ICA1: variants seen among roughly 807,000 people sequenced by gnomAD.
ICA1 encodes islet cell autoantigen 1.
ICA1 carries 40 observed loss-of-function variants against 71.0 expected under a neutral mutation model. The ratio of observed to expected loss-of-function variants is 0.56; its 90% CI spans 0.44 to 0.73. The LOEUF (loss-of-function observed/expected upper bound fraction) is 0.73. Ranked by LOEUF, ICA1 falls within the 30% of genes least tolerant of loss-of-function variation. The probability of loss-of-function intolerance (pLI) is 0.00; values close to 1 mark genes in which losing one functional copy is unlikely to be tolerated. For missense variants in ICA1, 578 were observed against 576.5 expected, an observed-to-expected ratio of 1.00 and a Z score of -0.03; for synonymous variants, 207 against 209.5, an observed-to-expected ratio of 0.99 and a Z score of 0.10.
intron 8 of ICA1, among the ~76,000 whole-genome samples, chr7:8,151,434 C>T (rs1023395911): frequency 2.6e-5 from 4 of 152,200 alleles, no homozygotes; most frequent in African/African-American, 9.7e-5. Flanking sequence ...GACCTGGATG[C>T]ATCCCAATTT....
chr7:8,188,199 C>T (rs1009711384), intron 6 of ICA1, among the ~76,000 whole-genome samples: 2 of 152,148 alleles, frequency 1.3e-5, no homozygotes, highest in Non-Finnish European at 2.9e-5. Context: ...TATCAAACTG[C>T]TTTCATAGAA....
At chr7:8,238,347 G>T (rs546697770) in intron 1 of ICA1, among the ~76,000 whole-genome samples, 2 of 152,160 alleles carry the variant, frequency 1.3e-5, no homozygotes, top group Non-Finnish European at 2.9e-5. Context: ...GCATTGTGAG[G>T]TGATATCTCA....
chr7:8,144,375 C>T lies in ICA1; in HGVS notation c.805-403G>A, dbSNP rs2128133657. The stretch of plus-strand genomic sequence containing the variant: ...CTGACAAAGTAGAAGTTCCTCCCAC[C>T]TCCACCAGAGATGAGACGATTTCAT... On this transcript the variant is annotated intron_variant, in intron 8 of 13. Transcript: ENST00000402384. This position sits in a 1 kb window ranked among gnomAD's most constrained non-coding sequence, Gnocchi z 4.5. Among the ~76,000 whole-genome samples, 1 of 152,330 alleles carries T rather than the reference C, an allele frequency of 6.6e-6. No individual in the cohort carries two copies. Among genetic ancestry groups the T allele is most frequent in the South Asian group, 2.1e-4 (1 of 4,826 alleles).
chr7:8,260,381 TG>T (rs1368611773), intron 1 of ICA1, among the ~76,000 whole-genome samples: 1 of 152,106 alleles, frequency 6.6e-6, no homozygotes, highest in Non-Finnish European at 1.5e-5. Context: ...GTGTTCCAAA[TG>T]GGGGAAAATA....
rs563570006 is a variant in ICA1, at chr7:8,188,405, G to A, written c.580-29753C>T. 7.9e-5 allele frequency among the ~76,000 whole-genome samples: 12 copies of A among 152,176 alleles called. No individual in the cohort carries two copies. In the East Asian group the frequency reaches 1.4e-3, roughly 17 times the overall value. On this transcript the variant is annotated intron_variant, in intron 6 of 13. Coordinates refer to ENST00000402384, the MANE Select transcript of ICA1 (RefSeq NM_001136020.3). ...TCCTCAAAACTGCTCTTCCATGGTC[G>A]CTTCCTTGCCCAGGAACCTTCATAC...
intron 6 of ICA1, among the ~76,000 whole-genome samples, chr7:8,183,326 G>A (rs1782810105): frequency 6.6e-6 from 1 of 152,152 alleles, no homozygotes; most frequent in Admixed American, 6.5e-5. Flanking sequence ...TCCCGTTAAA[G>A]GCTATTCTAA....
intron 6 of ICA1, among the ~76,000 whole-genome samples, chr7:8,217,887 G>A (rs1261440106): frequency 2.0e-5 from 3 of 152,090 alleles, no homozygotes; most frequent in Admixed American, 6.5e-5. Flanking sequence ...TGAACATATC[G>A]CAAAACAAAG....
intron 6 of ICA1, among the ~76,000 whole-genome samples, chr7:8,167,611 T>A (rs1806546457): frequency 6.6e-6 from 1 of 152,168 alleles, no homozygotes. Context: ...CCTGCACCTG[T>A]ACCCCTGAAC....
intron 13 of ICA1, among the ~76,000 whole-genome samples, chr7:8,121,878 C>T (rs564319122): frequency 2.4e-4 from 37 of 152,290 alleles, no homozygotes; most frequent in African/African-American, 7.7e-4. Flanking sequence ...CCCATAAATA[C>T]ATACGTCTAC....
At chr7:8,219,842 T>C (rs1796514661) in intron 5 of ICA1, among the ~76,000 whole-genome samples, 1 of 152,272 alleles carries the variant, frequency 6.6e-6, no homozygotes, top group Non-Finnish European at 1.5e-5. Flanking sequence ...TATTCATTTC[T>C]AGATTCTTTG....
intron 6 of ICA1, among the ~76,000 whole-genome samples, chr7:8,176,418 T>C (rs1335726957): frequency 6.6e-6 from 1 of 152,192 alleles, no homozygotes; most frequent in East Asian, 1.9e-4. Flanking sequence ...CTTCCTCCTC[T>C]CTGCAGTCAG....
chr7:8,236,116 C>T lies in ICA1; in HGVS notation c.-79-111G>A. ...GCCATTTCTAGCTGTATTTTAGGGT[C>T]TAACACTGTTACACAGTAATGCTGC... On this transcript the variant is annotated intron_variant, in intron 1 of 13. Transcript: ENST00000402384. 5 of 593,434 alleles carry T rather than the reference C, an allele frequency of 8.4e-6. No homozygotes were observed. In the South Asian group the frequency reaches 1.2e-4, roughly 14 times the overall value. The allele number at this position is 593,434 out of a possible 1,614,324, so 36.8% of individuals were successfully genotyped here. A position where few individuals can be genotyped will look rare whatever the true frequency, so the allele number is the denominator to read the frequency against.
At position 8,223,160 on chromosome 7, in the gene ICA1, T is replaced by G. The variant is rs1318360494; in HGVS notation, c.257-1762A>C. On this transcript the variant is annotated intron_variant, in intron 4 of 13. Coordinates refer to ENST00000402384, the MANE Select transcript of ICA1 (RefSeq NM_001136020.3). The surrounding 1 kb of genome is among the most constrained non-coding windows in gnomAD (Gnocchi z 4.1). ...CTTCTCCTCCCCACTGATTAATATG[T>G]GCCTCACTCAATTCCACAATGAATC... is the stretch of plus-strand genomic sequence containing the variant. 6.6e-6 allele frequency among the ~76,000 whole-genome samples: 1 copy of G among 152,224 alleles called. No individual in the cohort carries two copies.
At chr7:8,197,145 T>C (rs1312910942) in intron 6 of ICA1, among the ~76,000 whole-genome samples, 1 of 151,200 alleles carries the variant, frequency 6.6e-6, no homozygotes, top group Non-Finnish European at 1.5e-5. Context: ...AAAAGACAGA[T>C]GTATATCCTT....
intron 3 of ICA1, among the ~76,000 whole-genome samples, chr7:8,231,860 T>C (rs1800380903): frequency 6.6e-6 from 1 of 152,236 alleles, no homozygotes; most frequent in Non-Finnish European, 1.5e-5. Context: ...CCGAAAACTT[T>C]TTGAAATCTT....
chr7:8,231,911 T>C (rs1800393730), intron 3 of ICA1, among the ~76,000 whole-genome samples: 1 of 152,226 alleles, frequency 6.6e-6, no homozygotes, highest in African/African-American at 2.4e-5. Flanking sequence ...TCATTAACCT[T>C]AGTGTATATA....
intron 6 of ICA1, among the ~76,000 whole-genome samples, chr7:8,204,137 T>C (rs909791514): frequency 6.6e-6 from 1 of 152,102 alleles, no homozygotes; most frequent in Non-Finnish European, 1.5e-5. Flanking sequence ...AAAAACGAGT[T>C]CAGAGGACGT....
At chr7:8,133,449 A>T (rs1247993345) in intron 12 of ICA1, among the ~76,000 whole-genome samples, 1 of 152,094 alleles carries the variant, frequency 6.6e-6, no homozygotes, top group Admixed American at 6.5e-5. Context: ...ACTTTTGTAG[A>T]GATAGGGTTT....
At chr7:8,129,016 TC>T (rs1790412451) in intron 12 of ICA1, among the ~76,000 whole-genome samples, 1 of 152,314 alleles carries the variant, frequency 6.6e-6, no homozygotes, top group African/African-American at 2.4e-5. Flanking sequence ...TAATTGCCTT[TC>T]CAGAAGGAAG....
Sources: allele counts gnomAD v4.1 joint callset (sites outside exome capture counted in the v4.1 genomes callset), GRCh38; gene constraint gnomAD v4.1.1; non-coding constraint Gnocchi (gnomAD v3.1); transcripts MANE v1.5; gene names NCBI Gene and HGNC (gene_info 2026-07-23, HGNC 2026-07-21).